The following MYO19 variants were observed in gnomAD, a reference collection of about 807,000 sequenced individuals.
MYO19 encodes myosin XIX.
Under a neutral mutation model 129.2 loss-of-function variants are expected in MYO19, and 132 were observed. The observed-to-expected ratio is 1.02, with a 90% CI of 0.89 to 1.18. The LOEUF is 1.18. MYO19 is among the 50% of genes most tolerant of loss of function. The pLI is 0.00. For synonymous variants in MYO19, 531 were observed against 477.2 expected (o/e 1.11, Z -1.47); for missense variants, 1,210 against 1,216.7 (o/e 0.99, Z 0.08).
chr17:36,504,968 G>C, intron 19 of MYO19: 1 of 469,978 alleles, frequency 2.1e-6, no homozygotes, highest in Non-Finnish European at 4.0e-6. Flanking sequence ...TGGCTGCACT[G>C]TGCGGGGACT....
At chr17:36,506,819 C>G in intron 17 of MYO19, 144 bp downstream of exon 17, 1 of 1,167,728 alleles carries the variant, frequency 8.6e-7, no homozygotes, top group East Asian at 2.6e-5. Context: ...AGACCTCAGA[C>G]AGGTGGGCCC....
intron 19 of MYO19, 117 bp downstream of exon 19, chr17:36,505,180 G>A (rs768225766): frequency 1.1e-6 from 1 of 927,488 alleles, no homozygotes. Context: ...TGTCAGGCCT[G>A]GCCGGAGAGA....
chr17:36,506,436 C>G lies in MYO19; in HGVS notation c.1797+20G>C. The G allele has an allele frequency of 6.2e-7, 1 of 1,613,798 alleles. No individual in the cohort carries two copies. Among genetic ancestry groups the G allele is most frequent in the Non-Finnish European group, 8.5e-7 (1 of 1,179,814 alleles). ...CGTGGAGTTTGAACCAAGCACCTCC[C>G]ATCAGCACATCAGACCCACCTTGAA... On this transcript the variant is annotated intron_variant, in intron 18 of 25. Transcript: ENST00000614623.
upstream of MYO19, among the ~76,000 whole-genome samples, chr17:36,543,833 T>C (rs2074216471): frequency 6.6e-6 from 1 of 151,522 alleles, no homozygotes; most frequent in Non-Finnish European, 1.5e-5. Context: ...ATCATATTGG[T>C]CAGGCTGGTC....
upstream of MYO19, among the ~76,000 whole-genome samples, chr17:36,536,279 G>C (rs1167455915): frequency 6.6e-6 from 1 of 152,160 alleles, no homozygotes; most frequent in East Asian, 1.9e-4. Context: ...CAGGGGTCAC[G>C]TTTTGTACCA....
intron 18 of MYO19, among the ~76,000 whole-genome samples, chr17:36,505,905 C>A (rs999971635): frequency 1.3e-5 from 2 of 152,152 alleles, no homozygotes; most frequent in Non-Finnish European, 1.5e-5. Context: ...AGGTGCTAAT[C>A]AAACCTGGTT....
At chr17:36,542,061 C>T (rs2074200190) in intron 2 of MYO19, 2 of 152,112 alleles carry the variant, frequency 1.3e-5, no homozygotes, top group African/African-American at 4.8e-5. Context: ...AGGCTACCTC[C>T]TTGAGAAACA....
intron 6 of MYO19, among the ~76,000 whole-genome samples, chr17:36,522,562 T>C (rs2073202791): frequency 1.3e-5 from 2 of 148,254 alleles, no homozygotes; most frequent in African/African-American, 5.0e-5. Context: ...AACAAGGCAG[T>C]AAATGAAGAA....
rs1427180154 is a variant in MYO19 at position 36,495,899 on chromosome 17, T to C, written c.*352A>G. On this transcript the variant is annotated 3_prime_UTR_variant, in exon 26 of 26. Transcript: ENST00000614623. ...TCCAGCGCCAATTTTAGGCCAACTT[T>C]GGCTGTTTTCTTCCAAAAGTGCTTA... The C allele has an allele frequency of 1.7e-5, 21 of 1,220,300 alleles. No individual in the cohort carries two copies. The highest frequency in any genetic ancestry group is 4.7e-5 in the African/African-American group (3 of 64,108). 75.6% of individuals were successfully genotyped at this position (1,220,300 alleles called of 1,614,324 possible).
rs1265943314 is a variant in MYO19, at chr17:36,499,137, T to C, written c.2401A>G (p.Lys801Glu). Residue 801 changes from lysine (K) to glutamate (E), a missense_variant, in exon 24 of 26, where the codon AAA becomes GAA. Coordinates refer to ENST00000614623, the MANE Select transcript of MYO19 (RefSeq NM_001163735.2). ...QAAIRSWLTR[K>E]HIQRLHAAAT... Reference sequence around the variant, plus strand: ...GCTGCATGCAGCCTCTGGATGTGTTTCCGAGTTAACCAGGAACGAATGGCT... The same window carrying C: ...GCTGCATGCAGCCTCTGGATGTGTTCCCGAGTTAACCAGGAACGAATGGCT... 1.2e-6 allele frequency: 2 copies of C among 1,608,922 alleles called. No homozygotes were observed. The highest frequency in any genetic ancestry group is 2.2e-5 in the South Asian group (2 of 89,724).
chr17:36,510,322 A>G (rs952904789), intron 13 of MYO19, among the ~76,000 whole-genome samples: 1 of 152,188 alleles, frequency 6.6e-6, no homozygotes, highest in African/African-American at 2.4e-5. Context: ...ACCACAATCT[A>G]TCAAACTCCT....
Position 36,513,629 on chromosome 17 carries a change from C to T in MYO19, c.817G>A (p.Glu273Lys). 1.2e-6 allele frequency: 2 copies of T among 1,613,994 alleles called. No homozygotes were observed. Among genetic ancestry groups the T allele is most frequent in the Non-Finnish European group, 1.7e-6 (2 of 1,179,880 alleles). Residue 273 changes from glutamate to lysine, a missense_variant and splice_region_variant, in exon 10 of 26, where the codon GAG becomes AAG. Physicochemically the swap from Glu to Lys is moderately conservative, Grantham distance 56 (BLOSUM62 1). Transcript: ENST00000614623. ...AGGTGCTGGATGGGGCTCCCCTTAC[C>T]TTCTAAGCTCCTCTCTGGGTTGGGC... Reference protein sequence around the residue: ...WLPNPERSLEEDCFEVTREAM... With the variant: ...WLPNPERSLEKDCFEVTREAM...
At chr17:36,500,759 G>A (rs1348886129) in intron 23 of MYO19, 71 bp downstream of exon 23, 7 of 1,541,022 alleles carry the variant, frequency 4.5e-6, no homozygotes, top group Non-Finnish European at 6.1e-6. Context: ...GACTCGACGA[G>A]CTATGTTTCA....
exon 2 of MYO19, chr17:36,542,148 T>C (rs1167036163): frequency 1.3e-5 from 2 of 152,208 alleles, no homozygotes; most frequent in African/African-American, 4.8e-5. Flanking sequence ...CCAAAGATAC[T>C]AAGTATGCCC....
chr17:36,537,537 G>T, upstream of MYO19: 2 of 1,614,054 alleles, frequency 1.2e-6, no homozygotes, highest in South Asian at 1.1e-5. Context: ...TGCTATTTTG[G>T]CTGTGGACTT....
At chr17:36,513,359 G>A in intron 11 of MYO19, 70 bp downstream of exon 11, 2 of 1,613,048 alleles carry the variant, frequency 1.2e-6, no homozygotes, top group Non-Finnish European at 1.7e-6. Context: ...TCCAAGTCCA[G>A]GGAAAAGCTC....
At chr17:36,542,475 G>C (rs180806013) in intron 1 of MYO19, among the ~76,000 whole-genome samples, 2 of 152,134 alleles carry the variant, frequency 1.3e-5, no homozygotes, top group South Asian at 4.1e-4. Flanking sequence ...CGAGGCGGGC[G>C]GATCAAGAGG....
At chr17:36,523,725 T>A (rs997228274) in intron 6 of MYO19, among the ~76,000 whole-genome samples, 6 of 152,158 alleles carry the variant, frequency 3.9e-5, no homozygotes, top group Non-Finnish European at 7.3e-5. Flanking sequence ...GAATATGTAT[T>A]TTGAGGGCAG....
intron 3 of MYO19, 97 bp from the exon 4 acceptor site, chr17:36,528,299 G>A (rs1348688718): frequency 1.5e-6 from 2 of 1,323,736 alleles, no homozygotes; most frequent in Non-Finnish European, 2.1e-6. Context: ...ACAAAGTGAG[G>A]AGATCGAGAC....
Sources: allele counts gnomAD v4.1 joint callset (sites outside exome capture counted in the v4.1 genomes callset), GRCh38; gene constraint gnomAD v4.1.1; transcripts MANE v1.5; gene names NCBI Gene and HGNC (gene_info 2026-07-23, HGNC 2026-07-21).